ARHGAP44: variants seen among roughly 807,000 people sequenced by gnomAD.
ARHGAP44 encodes the protein rho GTPase-activating protein 44.
Under a neutral mutation model 106.8 loss-of-function variants are expected in ARHGAP44, and 43 were observed. The ratio of observed to expected loss-of-function variants is 0.40; its 90% CI spans 0.32 to 0.52. The LOEUF (loss-of-function observed/expected upper bound fraction) is 0.52, where lower values mean the gene tolerates loss of function less well. Ranked by LOEUF, ARHGAP44 falls within the 20% of genes least tolerant of loss-of-function variation. The pLI is 0.48. For missense variants in ARHGAP44, 866 were observed against 1,050.5 expected, an observed-to-expected ratio of 0.82 and a Z score of 2.43; for synonymous variants, 439 against 410.3, an observed-to-expected ratio of 1.07 and a Z score of -0.85.
At chr17:12,925,920 G>C (rs1444884093) in intron 6 of ARHGAP44, among the ~76,000 whole-genome samples, 1 of 152,090 alleles carries the variant, frequency 6.6e-6, no homozygotes, top group Non-Finnish European at 1.5e-5. Flanking sequence ...TTCCCAACAT[G>C]ACTATCTGTA....
At chr17:12,838,181 TCACTAAAAATG>T (rs756014682) in intron 1 of ARHGAP44, among the ~76,000 whole-genome samples, 3 of 152,232 alleles carry the variant, frequency 2.0e-5, no homozygotes, top group Non-Finnish European at 4.4e-5. Context: ...ACTATCCTTG[TCACTAAAAATG>T]GTGTGTTTAC....
intron 1 of ARHGAP44, among the ~76,000 whole-genome samples, chr17:12,812,863 A>G (rs1255591864): frequency 1.3e-5 from 2 of 152,198 alleles, no homozygotes; most frequent in Non-Finnish European, 2.9e-5. Flanking sequence ...TTACTTTGGC[A>G]TTTTGAAATA....
intron 1 of ARHGAP44, among the ~76,000 whole-genome samples, chr17:12,806,863 G>A (rs2034290329): frequency 6.6e-6 from 1 of 152,194 alleles, no homozygotes; most frequent in African/African-American, 2.4e-5. Flanking sequence ...GACCACCAGT[G>A]GTTCAGGGCT....
chr17:12,973,654 C>T (rs576972783), intron 17 of ARHGAP44: 1 of 484,568 alleles, frequency 2.1e-6, no homozygotes, highest in East Asian at 3.7e-5. Context: ...ACGCTCCCCC[C>T]TTCGCTGCCC....
At position 12,908,885 on chromosome 17, in the gene ARHGAP44, C is replaced by G. The variant is rs990193139; in HGVS notation, c.199-12C>G. 29 of 1,599,996 alleles carry G rather than the reference C, an allele frequency of 1.8e-5. No homozygotes were observed. Among genetic ancestry groups the G allele is most frequent in the Non-Finnish European group, 2.3e-5 (27 of 1,175,374 alleles). On this transcript the variant is annotated splice_polypyrimidine_tract_variant and intron_variant, in intron 3 of 20. Coordinates refer to ENST00000379672, the MANE Select transcript of ARHGAP44 (RefSeq NM_014859.6). ...AAAGTAGCTTTCATTACAGCATTTGCTTTCTTTTCAGAAAAAGTTGCCTTT... is the reference window on the plus strand; with the variant it reads ...AAAGTAGCTTTCATTACAGCATTTGGTTTCTTTTCAGAAAAAGTTGCCTTT...
chr17:12,926,256 T>G (rs2038224889), intron 6 of ARHGAP44, among the ~76,000 whole-genome samples: 1 of 151,532 alleles, frequency 6.6e-6, no homozygotes, highest in African/African-American at 2.4e-5. Flanking sequence ...TCCCAGCTAC[T>G]CGGGAGGCTG....
chr17:12,907,361 A>G (rs2037584417), intron 3 of ARHGAP44, among the ~76,000 whole-genome samples: 1 of 152,178 alleles, frequency 6.6e-6, no homozygotes, highest in Non-Finnish European at 1.5e-5. Flanking sequence ...AAAATGTAGC[A>G]TTTAAAAGTG....
intron 16 of ARHGAP44, among the ~76,000 whole-genome samples, chr17:12,961,872 A>C (rs1411024957): frequency 6.6e-6 from 1 of 152,204 alleles, no homozygotes; most frequent in Non-Finnish European, 1.5e-5. Context: ...CCTGACCTTA[A>C]AGAGTGGGTG....
intron 7 of ARHGAP44, among the ~76,000 whole-genome samples, chr17:12,936,349 T>C (rs2038548372): frequency 6.6e-6 from 1 of 152,210 alleles, no homozygotes; most frequent in Non-Finnish European, 1.5e-5. Context: ...GTGCTCCTCC[T>C]ATTTATTCCT....
chr17:12,958,817 C>T lies in ARHGAP44; in HGVS notation c.1443C>T (p.Asp481=), dbSNP rs1187505399. The change falls in exon 16 of 21, where the codon GAC becomes GAT. Residue 481 remains aspartate (D), a synonymous_variant. Transcript: ENST00000379672. This position sits in a 1 kb window ranked among gnomAD's most constrained non-coding sequence, Gnocchi z 4.1. ...SMPSPDMDPA[D]RRQPEQARRP... Reference sequence around the variant, plus strand: ...CCTCCCCAGACATGGACCCTGCTGACCGGCGCCAGCCCGAGCAGGCCCGCC... The same window carrying T: ...CCTCCCCAGACATGGACCCTGCTGATCGGCGCCAGCCCGAGCAGGCCCGCC... 1.2e-6 allele frequency: 2 copies of T among 1,604,570 alleles called. No homozygotes were observed. The highest frequency in any genetic ancestry group is 2.2e-5 in the East Asian group (1 of 44,600).
At chr17:12,800,521 A>G (rs547198780) in intron 1 of ARHGAP44, among the ~76,000 whole-genome samples, 1 of 152,276 alleles carries the variant, frequency 6.6e-6, no homozygotes, top group Admixed American at 6.5e-5. Flanking sequence ...GCAGTAAATG[A>G]GGATGTGAGA....
chr17:12,948,723 TAC>T (rs71369353), intron 10 of ARHGAP44, among the ~76,000 whole-genome samples: 31 of 29,088 alleles, frequency 1.1e-3, no homozygotes, highest in East Asian at 1.2e-3. Flanking sequence ...CCAACACACA[TAC>T]ACACACACAC....
rs535635083 is a variant in ARHGAP44 at position 12,835,853 on chromosome 17, T to A, written c.53+45962T>A. Among the ~76,000 whole-genome samples the A allele has an allele frequency of 3.9e-5, 6 of 152,336 alleles. No homozygotes were observed. In the South Asian group the frequency reaches 8.3e-4, roughly 21 times the overall value. ...CTATTTTACTTTCTGTCTCTGTGAA[T>A]TTGACTACTTTAGTTACCCCATATA... On this transcript the variant is annotated intron_variant, in intron 1 of 20. Transcript: ENST00000379672.
At chr17:12,917,552 T>C (rs546802624) in intron 5 of ARHGAP44, among the ~76,000 whole-genome samples, 2 of 152,206 alleles carry the variant, frequency 1.3e-5, no homozygotes, top group South Asian at 2.1e-4. Flanking sequence ...ATGGTACCGC[T>C]CCATTGTGGG....
chr17:12,887,458 C>T (rs2036915493), intron 1 of ARHGAP44, among the ~76,000 whole-genome samples: 1 of 152,106 alleles, frequency 6.6e-6, no homozygotes, highest in South Asian at 2.1e-4. Flanking sequence ...CCAGGCTGGT[C>T]TCAAACTCCT....
At chr17:12,829,539 C>T (rs758301787) in intron 1 of ARHGAP44, among the ~76,000 whole-genome samples, 2 of 152,104 alleles carry the variant, frequency 1.3e-5, no homozygotes, top group Non-Finnish European at 2.9e-5. Flanking sequence ...GATTTTAAGT[C>T]TCAATTGTAC....
chr17:12,970,365 CAAAAA>C (rs66577680), intron 16 of ARHGAP44, among the ~76,000 whole-genome samples: 4 of 55,192 alleles, frequency 7.2e-5, no homozygotes, highest in South Asian at 8.1e-4. Flanking sequence ...GACCCTGTCT[CAAAAA>C]AAAAAAAAAA....
chr17:12,932,655 T>C (rs1181619391), intron 7 of ARHGAP44, among the ~76,000 whole-genome samples: 1 of 152,100 alleles, frequency 6.6e-6, no homozygotes, highest in Non-Finnish European at 1.5e-5. Context: ...TTATATACTT[T>C]AATACATCTG....
intron 19 of ARHGAP44, among the ~76,000 whole-genome samples, chr17:12,983,264 T>A (rs1366270027): frequency 8.3e-5 from 8 of 95,820 alleles, no homozygotes; most frequent in South Asian, 4.3e-4. Flanking sequence ...GACTCCATCT[T>A]AAAAAAAAAA....
Sources: gnomAD v4.1 joint callset for allele counts (sites outside exome capture counted in the v4.1 genomes callset) on GRCh38, gnomAD v4.1.1 for gene constraint, Gnocchi (gnomAD v3.1) non-coding constraint, MANE v1.5 for transcripts, NCBI Gene and HGNC (gene_info 2026-07-23, HGNC 2026-07-21) for gene names.